SCTR: variants seen among roughly 807,000 people sequenced by gnomAD.
SCTR encodes secretin receptor.
SCTR carries 56 observed loss-of-function variants against 60.8 expected under a neutral mutation model. That is an observed-to-expected ratio of 0.92 (90% CI 0.74 to 1.15). The LOEUF is 1.15. Ranked by LOEUF, SCTR falls within the 50% of genes most tolerant of loss-of-function variation. The pLI is 0.00. For synonymous variants in SCTR, 202 were observed against 217.0 expected, an observed-to-expected ratio of 0.93 and a Z score of 0.61; for missense variants, 562 against 550.4, an observed-to-expected ratio of 1.02 and a Z score of -0.21.
At chr2:119,467,126 T>C (rs907765304) in intron 4 of SCTR, among the ~76,000 whole-genome samples, 34 of 152,280 alleles carry the variant, frequency 2.2e-4, no homozygotes, top group African/African-American at 7.9e-4. Flanking sequence ...ACACCTATAA[T>C]CCCTGCACTT....
intron 6 of SCTR, among the ~76,000 whole-genome samples, chr2:119,462,296 G>A (rs1255199772): frequency 6.6e-6 from 1 of 152,218 alleles, no homozygotes; most frequent in Non-Finnish European, 1.5e-5. Context: ...TGAGGAGGCA[G>A]TCCTTCAACT....
In SCTR at chr2:119,494,418, A is replaced by G. The variant is rs1382370991; in HGVS notation, c.193+10T>C. ...CCAAGAGAGGACATGGGCTGTGGCA[A>G]GCCTCATACCTGGCACTGGCTGCTC... On this transcript the variant is annotated intron_variant, in intron 2 of 12. Transcript: ENST00000019103. 6.2e-7 allele frequency: 1 copy of G among 1,613,134 alleles called. No individual in the cohort carries two copies. Among genetic ancestry groups the G allele is most frequent in the Non-Finnish European group, 8.5e-7 (1 of 1,179,550 alleles).
chr2:119,451,903 C>T, intron 9 of SCTR, 107 bp downstream of exon 9: 1 of 717,706 alleles, frequency 1.4e-6, no homozygotes, highest in South Asian at 1.6e-5. Context: ...GTTTATCCCT[C>T]CTGGCACCTG....
intron 7 of SCTR, 87 bp downstream of exon 7, chr2:119,461,760 C>G: frequency 1.1e-6 from 1 of 912,294 alleles, no homozygotes; most frequent in Non-Finnish European, 1.6e-6. Context: ...AAGTGTGGAG[C>G]TGGAACTAAA....
chr2:119,457,650 T>A (rs1336107739), intron 7 of SCTR, among the ~76,000 whole-genome samples: 1 of 151,562 alleles, frequency 6.6e-6, no homozygotes, highest in African/African-American at 2.4e-5. Flanking sequence ...GAGCTTGAGG[T>A]TGCAGTGGGC....
intron 2 of SCTR, among the ~76,000 whole-genome samples, chr2:119,489,794 G>C (rs1678043616): frequency 6.6e-6 from 1 of 152,208 alleles, no homozygotes; most frequent in Non-Finnish European, 1.5e-5. Context: ...GGCAGTGTTT[G>C]GGGTGGAGAT....
chr2:119,523,091 A>G (rs1267856164), intron 1 of SCTR, among the ~76,000 whole-genome samples: 2 of 152,188 alleles, frequency 1.3e-5, no homozygotes, highest in East Asian at 3.8e-4. Context: ...CTAAGGGAAG[A>G]CAAGGAGGCT....
chr2:119,499,155 G>C (rs1678447834), intron 1 of SCTR, among the ~76,000 whole-genome samples: 1 of 151,808 alleles, frequency 6.6e-6, no homozygotes, highest in African/African-American at 2.4e-5. Flanking sequence ...ATAAAAAAAG[G>C]CAAGCTATCA....
chr2:119,465,912 C>T (rs1683815600), intron 4 of SCTR, 26 bp from the exon 5 acceptor site: 4 of 1,547,678 alleles, frequency 2.6e-6, no homozygotes, highest in Non-Finnish European at 3.6e-6. Context: ...CGTGTCAGCC[C>T]CGCCGGCCCT....
intron 2 of SCTR, among the ~76,000 whole-genome samples, chr2:119,490,495 CCA>C (rs1183654997): frequency 7.9e-5 from 12 of 152,286 alleles, no homozygotes; most frequent in African/African-American, 2.9e-4. Flanking sequence ...GCCTTCATCC[CCA>C]CTCTGAAGTC....
At chr2:119,520,344 A>T (rs1039827934) in intron 1 of SCTR, among the ~76,000 whole-genome samples, 6 of 152,134 alleles carry the variant, frequency 3.9e-5, no homozygotes, top group African/African-American at 7.2e-5. Flanking sequence ...TAAAAAAATT[A>T]AAAAATTAGA....
In SCTR at chr2:119,464,291, G is replaced by T. The variant is rs372388445; in HGVS notation, c.504-36C>A. 3.5e-5 allele frequency: 57 copies of T among 1,612,770 alleles called. No individual in the cohort carries two copies. In the African/African-American group the frequency reaches 6.8e-4, roughly 19 times the overall value. On this transcript the variant is annotated intron_variant, in intron 5 of 12. Coordinates refer to ENST00000019103, the MANE Select transcript of SCTR (RefSeq NM_002980.3). ...AGAATGTAGGGACATAGAGGCCAGA[G>T]CCTGAGGGGCTGGGACTCAGCCAGG... is the stretch of plus-strand genomic sequence containing the variant.
In SCTR at chr2:119,441,607, A is replaced by T. The variant is rs1558828877; in HGVS notation, c.1141-8T>A. On this transcript the variant is annotated splice_polypyrimidine_tract_variant and splice_region_variant and intron_variant, in intron 11 of 12. Coordinates refer to ENST00000019103, the MANE Select transcript of SCTR (RefSeq NM_002980.3). ...GACGGCCACCACCAGTCCCTGCCAG[A>T]AGAAGAGAGGTAGCAGGGTTAGCAC... 1 of 1,612,822 alleles carries T rather than the reference A, an allele frequency of 6.2e-7. No individual in the cohort carries two copies. The highest frequency in any genetic ancestry group is 1.7e-5 in the Admixed American group (1 of 59,958).
chr2:119,448,760 T>G lies in SCTR; in HGVS notation c.942A>C (p.Ile314=), dbSNP rs374113005. ...LSILINFILF[I]NILRILMRKL... ...TTCTCATCAGGATTCTTAGAATGTT[T>G]ATGAAAAGGATGAAATTAATCTGCA... Residue 314 remains isoleucine (I), a synonymous_variant, in exon 10 of 13, where the codon ATA becomes ATC. Transcript: ENST00000019103. 4.4e-6 allele frequency: 7 copies of G among 1,595,726 alleles called. No homozygotes were observed. In the Admixed American group the frequency reaches 1.0e-4, roughly 23 times the overall value.
intron 1 of SCTR, among the ~76,000 whole-genome samples, chr2:119,496,267 A>G (rs1274568190): frequency 6.6e-6 from 1 of 152,226 alleles, no homozygotes; most frequent in Non-Finnish European, 1.5e-5. Context: ...CAGGACAGAA[A>G]GTGCTGGAGG....
chr2:119,507,791 G>A (rs1236851917), intron 1 of SCTR, among the ~76,000 whole-genome samples: 1 of 148,060 alleles, frequency 6.8e-6, no homozygotes, highest in African/African-American at 2.5e-5. Flanking sequence ...CGACTCTCCT[G>A]CCTCTGCCTC....
intron 1 of SCTR, among the ~76,000 whole-genome samples, chr2:119,502,690 G>A (rs76957396): frequency 6.6e-6 from 1 of 152,092 alleles, no homozygotes; most frequent in African/African-American, 2.4e-5. Context: ...ATTATCCAGT[G>A]ATAAAATAAA....
At chr2:119,462,906 C>A (rs1365079299) in intron 6 of SCTR, among the ~76,000 whole-genome samples, 1 of 152,236 alleles carries the variant, frequency 6.6e-6, no homozygotes, top group Non-Finnish European at 1.5e-5. Flanking sequence ...AGGTTCCCTG[C>A]TGGGGCATTG....
At chr2:119,472,912 C>T (rs537273496) in intron 4 of SCTR, among the ~76,000 whole-genome samples, 5 of 152,290 alleles carry the variant, frequency 3.3e-5, no homozygotes, top group South Asian at 2.1e-4. Context: ...AGGTGTAAGC[C>T]GCCACACCCG....
Sources: gnomAD v4.1 joint callset for allele counts (sites outside exome capture counted in the v4.1 genomes callset) on GRCh38, gnomAD v4.1.1 for gene constraint, MANE v1.5 for transcripts, NCBI Gene and HGNC (gene_info 2026-07-23, HGNC 2026-07-21) for gene names.